Variants in PEX14 observed in about 807,000 individuals in gnomAD.
PEX14 encodes peroxisomal membrane protein PEX14.
In PEX14, 15 loss-of-function variants were observed where a neutral mutation model predicts 49.5. The observed-to-expected ratio is 0.30, with a 90% CI of 0.20 to 0.47. PEX14 has a LOEUF of 0.47. PEX14 is among the 20% of genes least tolerant of loss of function. PEX14 has a pLI of 1.00. For synonymous variants in PEX14, 210 were observed against 212.7 expected, an observed-to-expected ratio of 0.99 and a Z score of 0.11; for missense variants, 398 against 494.8, an observed-to-expected ratio of 0.80 and a Z score of 1.86.
At chr1:10,528,206 T>C in intron 2 of PEX14, 1 of 399,780 alleles carries the variant, frequency 2.5e-6, no homozygotes, top group East Asian at 1.6e-4. Context: ...GTTGCCATTA[T>C]CCATGACACA....
At chr1:10,602,237 A>T (rs1444824103) in intron 4 of PEX14, among the ~76,000 whole-genome samples, 1 of 152,210 alleles carries the variant, frequency 6.6e-6, no homozygotes, top group Non-Finnish European at 1.5e-5. Flanking sequence ...ACATTCTTAG[A>T]CACAGACTTC....
chr1:10,555,691 C>T (rs925934275), intron 3 of PEX14, among the ~76,000 whole-genome samples: 5 of 149,242 alleles, frequency 3.4e-5, no homozygotes, highest in South Asian at 2.1e-4. Flanking sequence ...GGGTGAGGGG[C>T]CGCAGTGCCT....
At chr1:10,554,898 G>A (rs1639441217) in intron 3 of PEX14, among the ~76,000 whole-genome samples, 1 of 151,940 alleles carries the variant, frequency 6.6e-6, no homozygotes, top group Non-Finnish European at 1.5e-5. Flanking sequence ...TGTAGTTTTA[G>A]TAGAGATGGG....
chr1:10,589,543 C>A lies in PEX14; in HGVS notation c.170-9695C>A, dbSNP rs549747824. ...GGCACTACAGGTGTGCACCACCATG[C>A]CCAGCTAATTTTTGTAGTTTTGTTT... On this transcript the variant is annotated intron_variant, in intron 3 of 8. Transcript: ENST00000356607. 3.4e-5 allele frequency among the ~76,000 whole-genome samples: 5 copies of A among 148,646 alleles called. No individual in the cohort carries two copies. The East Asian group carries it at 9.9e-4, about 29-fold the overall frequency.
Position 10,630,028 on chromosome 1 carries a change from T to C in PEX14, c.*41T>C. ...CTCCAGCCCTGAGGATGGCATCTAG[T>C]GTGCCCGTGCGTGGCCATACCCTGC... On this transcript the variant is annotated 3_prime_UTR_variant, in exon 9 of 9. Coordinates refer to ENST00000356607, the MANE Select transcript of PEX14 (RefSeq NM_004565.3). The surrounding 1 kb of genome is among the most constrained non-coding windows in gnomAD (Gnocchi z 4.1). 1 of 1,601,478 alleles carries C rather than the reference T, an allele frequency of 6.2e-7. No homozygotes were observed. The highest frequency in any genetic ancestry group is 8.5e-7 in the Non-Finnish European group (1 of 1,178,868).
chr1:10,506,468 G>T (rs139670508), intron 2 of PEX14, among the ~76,000 whole-genome samples: 5 of 152,092 alleles, frequency 3.3e-5, no homozygotes, highest in Non-Finnish European at 7.4e-5. Flanking sequence ...TTAGAGACGA[G>T]GTTTCTGTAT....
chr1:10,577,876 A>G (rs74052130), intron 3 of PEX14, among the ~76,000 whole-genome samples: 156 of 151,602 alleles, frequency 1.0e-3, no homozygotes, highest in African/African-American at 3.7e-3. Flanking sequence ...TATTTTAAAA[A>G]TATAGTTTGA....
At chr1:10,500,200 C>T (rs1413604501) in intron 2 of PEX14, among the ~76,000 whole-genome samples, 4 of 150,012 alleles carry the variant, frequency 2.7e-5, no homozygotes, top group South Asian at 2.1e-4. Context: ...GTCAGGAGTT[C>T]GAGACTAGCC....
Position 10,564,191 on chromosome 1 carries a change from T to A in PEX14, c.169+27894T>A, listed in dbSNP as rs1380983677. ...ATTATTAATTATTCTCTCTTAATAT[T>A]GTTCTGTCTTGTTCTCATTCTCTTC... is the stretch of plus-strand genomic sequence containing the variant. On this transcript the variant is annotated intron_variant, in intron 3 of 8. Coordinates refer to ENST00000356607, the MANE Select transcript of PEX14 (RefSeq NM_004565.3). Among the ~76,000 whole-genome samples, 3 of 151,864 alleles carry A rather than the reference T, an allele frequency of 2.0e-5. No homozygotes were observed. The East Asian group carries it at 5.8e-4, about 29-fold the overall frequency.
intron 4 of PEX14, among the ~76,000 whole-genome samples, chr1:10,606,984 T>C (rs1302155797): frequency 6.6e-6 from 1 of 152,236 alleles, no homozygotes; most frequent in Non-Finnish European, 1.5e-5. Flanking sequence ...ACATTTCCAA[T>C]ACCCTGAAAG....
chr1:10,616,045 G>A (rs950258249), intron 4 of PEX14, among the ~76,000 whole-genome samples: 1 of 152,168 alleles, frequency 6.6e-6, no homozygotes, highest in African/African-American at 2.4e-5. Flanking sequence ...TTTTGGGACC[G>A]AGATTCCAGG....
chr1:10,557,787 A>G (rs1639535543), intron 3 of PEX14, among the ~76,000 whole-genome samples: 1 of 151,496 alleles, frequency 6.6e-6, no homozygotes, highest in Admixed American at 6.6e-5. Flanking sequence ...TTGTCTAAGC[A>G]TGGAAAACCC....
At chr1:10,513,149 G>A (rs1288304344) in intron 2 of PEX14, among the ~76,000 whole-genome samples, 4 of 151,968 alleles carry the variant, frequency 2.6e-5, no homozygotes, top group East Asian at 3.8e-4. Flanking sequence ...AGAAAATAGC[G>A]TGTTTTCACA....
Position 10,579,252 on chromosome 1 carries a change from G to A in PEX14, c.170-19986G>A, listed in dbSNP as rs570039770. Among the ~76,000 whole-genome samples the A allele has an allele frequency of 2.8e-4, 42 of 151,690 alleles. No homozygotes were observed. The South Asian group carries it at 6.5e-3, about 23-fold the overall frequency. On this transcript the variant is annotated intron_variant, in intron 3 of 8. Transcript: ENST00000356607. ...AATGGAATGATGTTTTCAAAATGGC[G>A]AAAGAAAAAAGACACTTTATCTAGA...
intron 2 of PEX14, among the ~76,000 whole-genome samples, chr1:10,513,432 G>A (rs1049911172): frequency 2.6e-5 from 4 of 152,276 alleles, no homozygotes; most frequent in Admixed American, 1.3e-4. Context: ...TGTTCCAGCC[G>A]ACAGCTTGAA....
intron 3 of PEX14, among the ~76,000 whole-genome samples, chr1:10,580,604 C>T (rs1640287023): frequency 6.6e-6 from 1 of 151,938 alleles, no homozygotes; most frequent in Admixed American, 6.6e-5. Flanking sequence ...ATAGTACATA[C>T]AATTATATGT....
chr1:10,611,398 C>G (rs1641274326), intron 4 of PEX14, among the ~76,000 whole-genome samples: 1 of 152,206 alleles, frequency 6.6e-6, no homozygotes, highest in African/African-American at 2.4e-5. Context: ...TATCTGTTGA[C>G]CAGTTGGTAG....
chr1:10,618,982 A>G lies in PEX14; in HGVS notation c.384+565A>G, dbSNP rs77949320. On this transcript the variant is annotated intron_variant, in intron 5 of 8. Transcript: ENST00000356607. The stretch of plus-strand genomic sequence containing the variant: ...GTGCTTTATACACCATTGTTCTGCC[A>G]CAGCATTTAAGAGCGGCGGTGAGAA... Among the ~76,000 whole-genome samples, 838 of 152,368 alleles carry G rather than the reference A, an allele frequency of 5.5e-3. 11 individuals are homozygous for G. Among genetic ancestry groups the G allele is most frequent in the African/African-American group, 0.019 (785 of 41,600 alleles).
At chr1:10,601,843 G>C (rs141711149) in intron 4 of PEX14, among the ~76,000 whole-genome samples, 1 of 152,216 alleles carries the variant, frequency 6.6e-6, no homozygotes, top group Non-Finnish European at 1.5e-5. Context: ...GGGCCCAGCC[G>C]TGTAATGGGA....
Sources: allele counts gnomAD v4.1 joint callset (sites outside exome capture counted in the v4.1 genomes callset), GRCh38; gene constraint gnomAD v4.1.1; non-coding constraint Gnocchi (gnomAD v3.1); transcripts MANE v1.5; gene names NCBI Gene and HGNC (gene_info 2026-07-23, HGNC 2026-07-21).